Variants in CDH4 observed in about 807,000 individuals in gnomAD.
The protein encoded by CDH4 is cadherin 4, also known as cadherin-4.
In CDH4, 33 loss-of-function variants were observed where a neutral mutation model predicts 86.0. That is an observed-to-expected ratio of 0.38 (90% CI 0.29 to 0.51). The LOEUF (loss-of-function observed/expected upper bound fraction) is 0.51. Among genes scored for constraint, CDH4 ranks in the 20% least tolerant of loss-of-function variants. The pLI is 0.86. For synonymous variants in CDH4, 555 were observed against 549.4 expected, an observed-to-expected ratio of 1.01 and a Z score of -0.14; for missense variants, 1,114 against 1,307.4, an observed-to-expected ratio of 0.85 and a Z score of 2.28.
Position 61,676,624 on chromosome 20 carries a change from C to T in CDH4, c.170-66939C>T, listed in dbSNP as rs2145852038. On this transcript the variant is annotated intron_variant, in intron 2 of 15. Coordinates refer to ENST00000614565, the MANE Select transcript of CDH4 (RefSeq NM_001794.5). This position sits in a 1 kb window ranked among gnomAD's most constrained non-coding sequence, Gnocchi z 4.5. ...CCCAGCCAGGGTTCACTGAGTGTAC[C>T]TGGCATTCTCTCAATTCTCTGCACA... 6.6e-6 allele frequency among the ~76,000 whole-genome samples: 1 copy of T among 152,310 alleles called. No individual in the cohort carries two copies. Among genetic ancestry groups the T allele is most frequent in the African/African-American group, 2.4e-5 (1 of 41,568 alleles).
chr20:61,396,710 C>T (rs773115015), intron 2 of CDH4, among the ~76,000 whole-genome samples: 1 of 152,142 alleles, frequency 6.6e-6, no homozygotes, highest in African/African-American at 2.4e-5. Context: ...GTTCTGGGGC[C>T]CTGCGGAGGC....
At chr20:61,586,869 C>T (rs2086480595) in intron 2 of CDH4, among the ~76,000 whole-genome samples, 1 of 152,232 alleles carries the variant, frequency 6.6e-6, no homozygotes, top group Middle Eastern at 3.4e-3. Flanking sequence ...CACTGAGGCA[C>T]ATTATTTAAT....
intron 2 of CDH4, among the ~76,000 whole-genome samples, chr20:61,460,853 T>G (rs2085438022): frequency 6.6e-6 from 1 of 152,208 alleles, no homozygotes. Flanking sequence ...TGGCCCCAGC[T>G]GTTCTGTGAT....
chr20:61,456,563 G>T (rs112575130), intron 2 of CDH4, among the ~76,000 whole-genome samples: 1 of 152,208 alleles, frequency 6.6e-6, no homozygotes. Context: ...ATTCACCCAC[G>T]TGGTTGAAAG....
At chr20:61,711,581 C>T (rs1337081377) in intron 2 of CDH4, among the ~76,000 whole-genome samples, 1 of 152,182 alleles carries the variant, frequency 6.6e-6, no homozygotes, top group Non-Finnish European at 1.5e-5. Context: ...GCTGTGAGGA[C>T]ACAGAGCCCA....
At chr20:61,760,139 G>C (rs6142850) in intron 3 of CDH4, among the ~76,000 whole-genome samples, 22,262 of 151,506 alleles carry the variant, frequency 0.15, 1,773 homozygotes, top group Non-Finnish European at 0.17. Context: ...CTGTATCTTC[G>C]CTTTTGGTGG....
At chr20:61,792,959 T>C (rs1908551476) in intron 4 of CDH4, among the ~76,000 whole-genome samples, 1 of 148,484 alleles carries the variant, frequency 6.7e-6, no homozygotes, top group African/African-American at 2.5e-5. Context: ...TATGTGTTTT[T>C]TTTGTTTTTG....
At chr20:61,822,484 A>T (rs1177196745) in intron 4 of CDH4, among the ~76,000 whole-genome samples, 1 of 152,202 alleles carries the variant, frequency 6.6e-6, no homozygotes, top group African/African-American at 2.4e-5. Flanking sequence ...AGAGAGCCGC[A>T]GCGAAGGTGT....
intron 2 of CDH4, among the ~76,000 whole-genome samples, chr20:61,314,750 G>C (rs957685823): frequency 5.3e-5 from 8 of 152,162 alleles, no homozygotes; most frequent in African/African-American, 1.9e-4. Context: ...AGCGGAGGAG[G>C]AGGAGGAGGC....
chr20:61,326,097 A>G (rs1011887056), intron 2 of CDH4, among the ~76,000 whole-genome samples: 2 of 152,138 alleles, frequency 1.3e-5, no homozygotes, highest in Non-Finnish European at 2.9e-5. Context: ...CACTAACTTT[A>G]AGGGACAAAT....
intron 2 of CDH4, chr20:61,719,448 CTG>C (rs1170902196): frequency 1.7e-5 from 4 of 238,144 alleles, no homozygotes; most frequent in African/African-American, 2.3e-5. Flanking sequence ...CGTGAAATAA[CTG>C]TGGAAATATT....
chr20:61,653,796 G>A (rs1393825729), intron 2 of CDH4, among the ~76,000 whole-genome samples: 1 of 116,846 alleles, frequency 8.6e-6, no homozygotes, highest in Non-Finnish European at 2.0e-5. Flanking sequence ...GGGCGGCCGG[G>A]CAGAGACGCT....
intron 11 of CDH4, among the ~76,000 whole-genome samples, chr20:61,926,228 A>G (rs1455736576): frequency 3.9e-5 from 6 of 152,242 alleles, no homozygotes; most frequent in Non-Finnish European, 4.4e-5. Context: ...CTGTGGAACC[A>G]GAGGAGCAAG....
At chr20:61,719,190 A>AT (rs11440327) in intron 2 of CDH4, 144,243 of 389,400 alleles carry the variant, frequency 0.37, 15,787 homozygotes, top group Middle Eastern at 0.41. Flanking sequence ...CTAATCAGAG[A>AT]TTTTTTTTTT....
At chr20:61,641,507 A>G (rs1412586553) in intron 2 of CDH4, among the ~76,000 whole-genome samples, 1 of 152,252 alleles carries the variant, frequency 6.6e-6, no homozygotes. Flanking sequence ...ATTCTGGCTC[A>G]GAATACATCC....
intron 2 of CDH4, among the ~76,000 whole-genome samples, chr20:61,677,655 A>G (rs865791613): frequency 1.5e-3 from 8 of 5,302 alleles, no homozygotes; most frequent in Admixed American, 3.0e-3. Flanking sequence ...GTGGGTAGGT[A>G]GGTGGGTGGG....
chr20:61,882,742 A>G lies in CDH4; in HGVS notation c.1050+8842A>G, dbSNP rs552680795. 3.3e-5 allele frequency among the ~76,000 whole-genome samples: 5 copies of G among 152,326 alleles called. No individual in the cohort carries two copies. In the South Asian group the frequency reaches 6.2e-4, roughly 19 times the overall value. On this transcript the variant is annotated intron_variant, in intron 7 of 15. Coordinates refer to ENST00000614565, the MANE Select transcript of CDH4 (RefSeq NM_001794.5). ...AAAAAGGCCCGTGCGTCTCAGGAGA[A>G]TGGGAGAGGGAACGTGTCTGCGGAA...
intron 7 of CDH4, among the ~76,000 whole-genome samples, chr20:61,893,655 A>T (rs961342527): frequency 6.5e-5 from 9 of 139,392 alleles, no homozygotes; most frequent in Non-Finnish European, 1.2e-4. Flanking sequence ...AGATGGATGG[A>T]TGGGTGAATA....
chr20:61,320,064 G>A (rs1300358220), intron 2 of CDH4, among the ~76,000 whole-genome samples: 2 of 152,020 alleles, frequency 1.3e-5, no homozygotes, highest in African/African-American at 2.4e-5. Context: ...CATGTTAAAT[G>A]TTCTTCCCAC....
Sources: gnomAD v4.1 joint callset for allele counts (sites outside exome capture counted in the v4.1 genomes callset) on GRCh38, gnomAD v4.1.1 for gene constraint, Gnocchi (gnomAD v3.1) non-coding constraint, MANE v1.5 for transcripts, NCBI Gene and HGNC (gene_info 2026-07-23, HGNC 2026-07-21) for gene names.